Variants in TGM2 observed in about 807,000 individuals in gnomAD.
TGM2 encodes protein-glutamine gamma-glutamyltransferase 2.
In TGM2, 53 loss-of-function variants were observed where a neutral mutation model predicts 75.6. The ratio of observed to expected loss-of-function variants is 0.70; its 90% CI spans 0.56 to 0.88. The LOEUF is 0.88. Among genes scored for constraint, TGM2 ranks in the 40% least tolerant of loss-of-function variants. The pLI is 0.00. For missense variants in TGM2, 842 were observed against 928.5 expected, an observed-to-expected ratio of 0.91 and a Z score of 1.21; for synonymous variants, 374 against 381.1, an observed-to-expected ratio of 0.98 and a Z score of 0.22.
chr20:38,128,761 A>G lies in TGM2; in HGVS notation c.*1458T>C, dbSNP rs1311644477. On this transcript the variant is annotated 3_prime_UTR_variant, in exon 13 of 13. Coordinates refer to ENST00000361475, the MANE Select transcript of TGM2 (RefSeq NM_004613.4). ...CTTCCAGCCCAAGGGAGGCCCAGTCATGTAGAAAGAGCAGGAGATAAAGTC... is the reference window on the plus strand; with the variant it reads ...CTTCCAGCCCAAGGGAGGCCCAGTCGTGTAGAAAGAGCAGGAGATAAAGTC... The G allele has an allele frequency of 6.6e-6, 1 of 152,260 alleles. No individual in the cohort carries two copies. The highest frequency in any genetic ancestry group is 1.5e-5 in the Non-Finnish European group (1 of 68,070). The allele number at this position is 152,260 out of a possible 1,614,324, so 9.4% of individuals were successfully genotyped here.
chr20:38,139,622 C>T lies in TGM2; in HGVS notation c.1132G>A (p.Ala378Thr). The T allele has an allele frequency of 6.2e-7, 1 of 1,614,152 alleles. No individual in the cohort carries two copies. Among genetic ancestry groups the T allele is most frequent in the South Asian group, 1.1e-5 (1 of 91,078 alleles). Residue 378 changes from alanine (A) to threonine (T), a missense_variant, in exon 9 of 13, where the codon GCC becomes ACC. Transcript: ENST00000361475. ...GTGCTCAGGTCGCCCTCCTTGATGG[C>T]ACGAACTGGAACTGGGCCACAGCAG... ...TYCCGPVPVR[A>T]IKEGDLSTKY... is the part of the protein sequence containing the mutation.
chr20:38,144,041 C>T (rs2075012153), intron 6 of TGM2, among the ~76,000 whole-genome samples: 1 of 152,216 alleles, frequency 6.6e-6, no homozygotes, highest in Non-Finnish European at 1.5e-5. Flanking sequence ...GGTGTCCTAA[C>T]CACAGGTCTT....
intron 2 of TGM2, among the ~76,000 whole-genome samples, chr20:38,158,395 G>A: frequency 6.6e-6 from 1 of 152,166 alleles, no homozygotes; most frequent in East Asian, 1.9e-4. Flanking sequence ...GCACCATGAG[G>A]GCCACTCTGG....
chr20:38,144,090 CG>C (rs1343055647), intron 6 of TGM2, among the ~76,000 whole-genome samples: 18 of 152,290 alleles, frequency 1.2e-4, no homozygotes, highest in Admixed American at 1.2e-3. Context: ...GACCGGAGGA[CG>C]GGGGAGGTCT....
intron 11 of TGM2, 39 bp from the exon 12 acceptor site, chr20:38,131,268 G>C (rs1396395062): frequency 6.2e-7 from 1 of 1,612,262 alleles, no homozygotes; most frequent in South Asian, 1.1e-5. Context: ...GGGCAGGTGG[G>C]ATCCAGGCTG....
intron 1 of TGM2, among the ~76,000 whole-genome samples, chr20:38,162,317 T>A (rs552625979): frequency 2.6e-5 from 4 of 152,300 alleles, no homozygotes; most frequent in Non-Finnish European, 4.4e-5. Context: ...TATCAGAGGG[T>A]TCTTTTGGTT....
intron 10 of TGM2, chr20:38,133,168 C>T (rs1013414850): frequency 3.9e-6 from 1 of 256,598 alleles, no homozygotes; most frequent in Non-Finnish European, 7.9e-6. Context: ...TCCACACTCA[C>T]TGAAGAATGC....
intron 8 of TGM2, 78 bp from the exon 9 acceptor site, chr20:38,139,732 T>C (rs1351445081): frequency 6.3e-7 from 1 of 1,584,892 alleles, no homozygotes; most frequent in East Asian, 2.3e-5. Flanking sequence ...CACAATTCAA[T>C]CACATGTAGC....
At chr20:38,149,885 C>T (rs2075097103) in intron 4 of TGM2, among the ~76,000 whole-genome samples, 1 of 152,086 alleles carries the variant, frequency 6.6e-6, no homozygotes, top group African/African-American at 2.4e-5. Context: ...TTGCAATTAT[C>T]ATCATGATAT....
chr20:38,138,334 A>T lies in TGM2; in HGVS notation c.1394T>A (p.Leu465Gln), dbSNP rs2074926590. ...AFTRANHLNK[L>Q]AEKEETGMAM... ...CATCCCTGTCTCCTCCTTCTCGGCC[A>T]GTTTGTTCAGGTGGTTCGCCCTTGT... The change falls in exon 10 of 13, where the codon CTG becomes CAG. Residue 465 changes from leucine to glutamine, a missense_variant. Transcript: ENST00000361475. The T allele has an allele frequency of 6.2e-7, 1 of 1,614,066 alleles. No individual in the cohort carries two copies. The highest frequency in any genetic ancestry group is 8.5e-7 in the Non-Finnish European group (1 of 1,180,018).
chr20:38,165,298 T>C (rs1260906558), upstream of TGM2: 43 of 1,542,148 alleles, frequency 2.8e-5, no homozygotes, highest in Middle Eastern at 1.7e-4. Flanking sequence ...CGCTAACTTA[T>C]AGCCCGCTTT....
intron 8 of TGM2, among the ~76,000 whole-genome samples, chr20:38,141,074 T>C (rs946700828): frequency 6.6e-6 from 1 of 152,230 alleles, no homozygotes; most frequent in Non-Finnish European, 1.5e-5. Flanking sequence ...TTCTCTGTAT[T>C]TCCTGCTTTC....
intron 8 of TGM2, 69 bp downstream of exon 8, chr20:38,141,213 C>T: frequency 7.5e-7 from 1 of 1,342,034 alleles, no homozygotes. Context: ...CGCCCTCCAG[C>T]TGAGTCACTT....
At chr20:38,159,237 C>G (rs2075224872) in intron 2 of TGM2, among the ~76,000 whole-genome samples, 1 of 152,122 alleles carries the variant, frequency 6.6e-6, no homozygotes, top group Non-Finnish European at 1.5e-5. Context: ...CAGCCTTATC[C>G]TCAGCGAACG....
At chr20:38,139,861 C>T (rs1348803906) in intron 8 of TGM2, among the ~76,000 whole-genome samples, 2 of 152,212 alleles carry the variant, frequency 1.3e-5, no homozygotes, top group African/African-American at 4.8e-5. Context: ...CAAATCCCAG[C>T]TCAGCCTGTT....
chr20:38,158,610 T>G (rs1219092697), intron 2 of TGM2, among the ~76,000 whole-genome samples: 1 of 152,234 alleles, frequency 6.6e-6, no homozygotes, highest in Non-Finnish European at 1.5e-5. Context: ...TGGAGGGAAC[T>G]TTATCCCTCT....
At chr20:38,132,658 G>A (rs2122850558) in intron 10 of TGM2, 158 bp from the exon 11 acceptor site, 1 of 999,758 alleles carries the variant, frequency 1.0e-6, no homozygotes, top group East Asian at 2.5e-5. Context: ...GTGGCTCCAG[G>A]GTTCCCAGCG....
In TGM2 at chr20:38,135,100, T is replaced by A. The variant is rs564605173; in HGVS notation, c.1616-2600A>T. On this transcript the variant is annotated intron_variant, in intron 10 of 12. Coordinates refer to ENST00000361475, the MANE Select transcript of TGM2 (RefSeq NM_004613.4). ...CCTGGGAGGATGAGAAAAGTCAGCA[T>A]GCTTGGCTGATGCCAGTGCGGAACA... Among the ~76,000 whole-genome samples, 5 of 152,372 alleles carry A rather than the reference T, an allele frequency of 3.3e-5. No homozygotes were observed. The East Asian group carries it at 9.7e-4, about 29-fold the overall frequency.
intron 3 of TGM2, 59 bp downstream of exon 3, chr20:38,155,788 C>T (rs1478469378): frequency 6.4e-7 from 1 of 1,551,426 alleles, no homozygotes; most frequent in African/African-American, 1.3e-5. Context: ...GTAGCCTCCT[C>T]CATGGGCGGA....
Sources: allele counts gnomAD v4.1 joint callset (sites outside exome capture counted in the v4.1 genomes callset), GRCh38; gene constraint gnomAD v4.1.1; transcripts MANE v1.5; gene names NCBI Gene and HGNC (gene_info 2026-07-23, HGNC 2026-07-21).